Variants in FANCC observed in about 807,000 individuals in gnomAD.
The protein encoded by FANCC is FA complementation group C, also known as Fanconi anemia group C protein.
A neutral mutation model predicts 71.3 loss-of-function variants in FANCC; 55 were observed. That is an observed-to-expected ratio of 0.77 (90% CI 0.62 to 0.97). FANCC has a LOEUF of 0.97. FANCC is among the 50% of genes least tolerant of loss of function. The pLI is 0.00. For missense variants in FANCC, 678 were observed against 670.9 expected, an observed-to-expected ratio of 1.01 and a Z score of -0.12; for synonymous variants, 275 against 244.9, an observed-to-expected ratio of 1.12 and a Z score of -1.15.
At chr9:95,110,180 C>G in intron 13 of FANCC, 1 of 909,720 alleles carries the variant, frequency 1.1e-6, no homozygotes, top group South Asian at 5.1e-5. Flanking sequence ...TAAAAAAGGA[C>G]CAAGTTAGCT....
chr9:95,116,126 ATGCACCACCTCACCGTTT>A (rs1564654300), intron 11 of FANCC, among the ~76,000 whole-genome samples: 2 of 152,262 alleles, frequency 1.3e-5, no homozygotes, highest in Non-Finnish European at 2.9e-5. Context: ...GCCCATGCCC[ATGCACCACCTCACCGTTT>A]ATTTACTATT....
intron 1 of FANCC, among the ~76,000 whole-genome samples, chr9:95,281,585 A>G (rs1055781660): frequency 7.2e-5 from 11 of 152,078 alleles, no homozygotes; most frequent in African/African-American, 2.7e-4. Context: ...CAACACAAAA[A>G]CATCTGAAAG....
chr9:95,280,542 A>C (rs1409091310), intron 1 of FANCC, among the ~76,000 whole-genome samples: 1 of 152,240 alleles, frequency 6.6e-6, no homozygotes, highest in Non-Finnish European at 1.5e-5. Context: ...TCATATATTT[A>C]AAAGAACATT....
chr9:95,251,163 CCT>C (rs1831307972), intron 1 of FANCC, among the ~76,000 whole-genome samples: 1 of 152,118 alleles, frequency 6.6e-6, no homozygotes, highest in African/African-American at 2.4e-5. Flanking sequence ...GTGTAAATTC[CCT>C]GTCTTCCTAG....
At chr9:95,223,555 T>C (rs1455276716) in intron 4 of FANCC, among the ~76,000 whole-genome samples, 4 of 152,220 alleles carry the variant, frequency 2.6e-5, no homozygotes, top group African/African-American at 9.6e-5. Context: ...CTTCAACATA[T>C]GAATTTGGGG....
chr9:95,263,447 GAA>G (rs1173238256), intron 1 of FANCC, among the ~76,000 whole-genome samples: 1 of 151,156 alleles, frequency 6.6e-6, no homozygotes, highest in Non-Finnish European at 1.5e-5. Context: ...CAATGTTACT[GAA>G]GACCCCAAAG....
At chr9:95,207,666 C>T (rs1167362831) in intron 4 of FANCC, among the ~76,000 whole-genome samples, 1 of 152,146 alleles carries the variant, frequency 6.6e-6, no homozygotes, top group African/African-American at 2.4e-5. Flanking sequence ...GGACAAATCC[C>T]GGGTGCCTTC....
intron 13 of FANCC, chr9:95,110,311 A>C (rs557464180): frequency 5.6e-4 from 566 of 1,015,418 alleles, no homozygotes; most frequent in Non-Finnish European, 6.5e-4. Context: ...AATTGAACAC[A>C]TATCTACCAA....
intron 1 of FANCC, among the ~76,000 whole-genome samples, chr9:95,303,175 A>C (rs1834858315): frequency 6.6e-6 from 1 of 152,244 alleles, no homozygotes; most frequent in African/African-American, 2.4e-5. Context: ...AACGCATGCA[A>C]TATGGCTAAT....
intron 4 of FANCC, among the ~76,000 whole-genome samples, chr9:95,224,515 A>C (rs1019578266): frequency 1.3e-5 from 2 of 152,074 alleles, no homozygotes; most frequent in African/African-American, 4.8e-5. Flanking sequence ...AAAAAAAAAA[A>C]ACAGAAAATT....
intron 1 of FANCC, 120 bp from the exon 2 acceptor site, chr9:95,249,489 G>C: frequency 1.7e-6 from 1 of 593,450 alleles, no homozygotes; most frequent in South Asian, 2.0e-5. Context: ...TTCTATGCTG[G>C]AGCCATCTTT....
intron 6 of FANCC, among the ~76,000 whole-genome samples, chr9:95,170,396 C>CAAA (rs1263047970): frequency 9.2e-6 from 1 of 108,756 alleles, no homozygotes. Flanking sequence ...AATAGCTTTA[C>CAAA]AAAAAAAAAA....
chr9:95,222,643 T>C (rs899811725), intron 4 of FANCC, among the ~76,000 whole-genome samples: 2 of 152,194 alleles, frequency 1.3e-5, no homozygotes, highest in Non-Finnish European at 2.9e-5. Flanking sequence ...CGTAAAATGT[T>C]CCTCAATAAA....
intron 13 of FANCC, among the ~76,000 whole-genome samples, chr9:95,109,112 A>G (rs986608270): frequency 2.0e-5 from 3 of 152,094 alleles, no homozygotes; most frequent in African/African-American, 7.2e-5. Context: ...ACAGGGGTCT[A>G]TGTTGCCCAG....
chr9:95,138,514 C>T (rs889979174), intron 7 of FANCC, among the ~76,000 whole-genome samples: 1 of 152,180 alleles, frequency 6.6e-6, no homozygotes, highest in Non-Finnish European at 1.5e-5. Flanking sequence ...TAGGAGAGTT[C>T]GCCTCTCAGT....
intron 1 of FANCC, among the ~76,000 whole-genome samples, chr9:95,271,587 G>A (rs1430617586): frequency 1.3e-5 from 2 of 152,204 alleles, no homozygotes; most frequent in Non-Finnish European, 2.9e-5. Context: ...ACTGCAACAA[G>A]ATATGATTCT....
At chr9:95,169,215 T>C (rs992432398) in intron 6 of FANCC, among the ~76,000 whole-genome samples, 5 of 152,152 alleles carry the variant, frequency 3.3e-5, no homozygotes, top group African/African-American at 1.2e-4. Flanking sequence ...ATCTGTGAAA[T>C]TGTAAAGAAG....
intron 7 of FANCC, among the ~76,000 whole-genome samples, chr9:95,138,728 C>A (rs1828114555): frequency 6.6e-6 from 1 of 152,218 alleles, no homozygotes; most frequent in Non-Finnish European, 1.5e-5. Context: ...GGTGGGGAAG[C>A]TGCTGCAGCA....
At chr9:95,126,142 T>A (rs2134956514) in intron 9 of FANCC, among the ~76,000 whole-genome samples, 1 of 152,374 alleles carries the variant, frequency 6.6e-6, no homozygotes. Flanking sequence ...TTTCTTGGCT[T>A]TCTTTAGCTT....
Sources: allele counts gnomAD v4.1 joint callset (sites outside exome capture counted in the v4.1 genomes callset), GRCh38; gene constraint gnomAD v4.1.1; transcripts MANE v1.5; gene names NCBI Gene and HGNC (gene_info 2026-07-23, HGNC 2026-07-21).